The following EFHC1 variants were observed in gnomAD, a reference collection of about 807,000 sequenced individuals.
EFHC1 encodes the protein EF-hand domain containing 1.
Under a neutral mutation model 69.9 loss-of-function variants are expected in EFHC1, and 53 were observed. The observed-to-expected ratio is 0.76, with a 90% confidence interval of 0.61 to 0.95. EFHC1 has a LOEUF of 0.95. Among genes scored for constraint, EFHC1 ranks in the 40% least tolerant of loss-of-function variants. EFHC1 has a pLI of 0.00. For synonymous variants in EFHC1, 256 were observed against 278.4 expected (o/e 0.92, Z 0.80); for missense variants, 739 against 798.7 (o/e 0.93, Z 0.90).
Position 52,494,143 on chromosome 6 carries a change from G to T in EFHC1, c.*1802G>T, listed in dbSNP as rs116513025. The T allele has an allele frequency of 1.3e-5, 6 of 453,834 alleles. No homozygotes were observed. Among genetic ancestry groups the T allele is most frequent in the Non-Finnish European group, 2.2e-5 (5 of 226,780 alleles). 28.1% of individuals were successfully genotyped at this position (453,834 alleles called of 1,614,324 possible). ...TGGGGCTATGTCTCAATAAACTCACGTAAGTAAAAAATATCACAAGTTGAA... is the reference window on the plus strand; with the variant it reads ...TGGGGCTATGTCTCAATAAACTCACTTAAGTAAAAAATATCACAAGTTGAA... On this transcript the variant is annotated 3_prime_UTR_variant, in exon 11 of 11. Coordinates refer to ENST00000371068, the MANE Select transcript of EFHC1 (RefSeq NM_018100.4).
chr6:52,468,317 G>A (rs1333741936), intron 6 of EFHC1: 1 of 152,202 alleles, frequency 6.6e-6, no homozygotes, highest in Non-Finnish European at 1.5e-5. Flanking sequence ...AGTCAGATGA[G>A]TGTTCATCTA....
intron 2 of EFHC1, among the ~76,000 whole-genome samples, chr6:52,428,487 A>T (rs189709713): frequency 3.9e-5 from 6 of 152,332 alleles, no homozygotes; most frequent in African/African-American, 1.4e-4. Context: ...AATAGTCTCC[A>T]GTCTCATCCA....
At chr6:52,441,719 T>G (rs1314333207) in intron 3 of EFHC1, among the ~76,000 whole-genome samples, 1 of 152,196 alleles carries the variant, frequency 6.6e-6, no homozygotes, top group Non-Finnish European at 1.5e-5. Flanking sequence ...ATATTGATTT[T>G]TCGTATCCAT....
intron 2 of EFHC1, chr6:52,437,690 T>C (rs1306154024): frequency 1.3e-5 from 2 of 153,530 alleles, no homozygotes; most frequent in African/African-American, 4.8e-5. Context: ...TGTGTACATG[T>C]GGGAGTTAGG....
intron 9 of EFHC1, chr6:52,488,348 A>G (rs771611131): frequency 4.6e-5 from 7 of 152,220 alleles, no homozygotes; most frequent in Non-Finnish European, 1.0e-4. Context: ...TATTACAACA[A>G]TTTTTATTGT....
Position 52,438,450 on chromosome 6 carries a change from T to G in EFHC1, c.432T>G (p.Leu144=). The G allele has an allele frequency of 6.2e-7, 1 of 1,614,122 alleles. No homozygotes were observed. The highest frequency in any genetic ancestry group is 8.5e-7 in the Non-Finnish European group (1 of 1,180,002). The change falls in exon 3 of 11, where the codon CTT becomes CTG. Residue 144 remains leucine, a synonymous_variant. Coordinates refer to ENST00000371068, the MANE Select transcript of EFHC1 (RefSeq NM_018100.4). ...IEPVVENSGI[L]QGKLIKRQRL... is the part of the protein sequence containing the mutation. ...CTGTTGTAGAAAATTCTGGAATCCT[T>G]CAAGGCAAGTTAATAAAACGCCAGC...
chr6:52,478,071 A>T (rs1199245321), intron 7 of EFHC1, among the ~76,000 whole-genome samples: 1 of 152,210 alleles, frequency 6.6e-6, no homozygotes, highest in African/African-American at 2.4e-5. Flanking sequence ...TGTGGCACAT[A>T]TACACCATGG....
chr6:52,456,835 A>AGGCAGGAGAATTGCTTGG (rs756344966), intron 5 of EFHC1, among the ~76,000 whole-genome samples: 21 of 152,228 alleles, frequency 1.4e-4, no homozygotes, highest in Admixed American at 6.5e-4. Flanking sequence ...GAATTGCTTG[A>AGGCAGGAGAATTGCTTGG]AGCCAGGAGA....
chr6:52,426,624 G>A (rs1764306977), intron 2 of EFHC1, among the ~76,000 whole-genome samples: 1 of 152,126 alleles, frequency 6.6e-6, no homozygotes, highest in Non-Finnish European at 1.5e-5. Context: ...TCACCTGGAT[G>A]AACTGTTGGT....
chr6:52,475,195 A>G (rs908963875), intron 7 of EFHC1, among the ~76,000 whole-genome samples: 1 of 152,178 alleles, frequency 6.6e-6, no homozygotes, highest in African/African-American at 2.4e-5. Context: ...TAGAGAATGT[A>G]TTCATTAGAC....
At chr6:52,464,845 T>G (rs780041751) in intron 5 of EFHC1, 50 bp from the exon 6 acceptor site, 9 of 1,531,296 alleles carry the variant, frequency 5.9e-6, no homozygotes, top group Non-Finnish European at 2.7e-6. Flanking sequence ...CAAGTCTTTC[T>G]TGACACACTC....
chr6:52,420,514 C>G, intron 1 of EFHC1, 41 bp downstream of exon 1: 3 of 1,613,332 alleles, frequency 1.9e-6, no homozygotes, highest in Non-Finnish European at 2.5e-6. Context: ...TCCCCACCTT[C>G]CAGCAGCCCA....
Position 52,493,937 on chromosome 6 carries a change from C to T in EFHC1, c.*1596C>T, listed in dbSNP as rs1048372721. 4.4e-6 allele frequency: 2 copies of T among 453,940 alleles called. No homozygotes were observed. Among genetic ancestry groups the T allele is most frequent in the Non-Finnish European group, 8.8e-6 (2 of 226,802 alleles). The allele number at this position is 453,940 out of a possible 1,614,324, so 28.1% of individuals were successfully genotyped here. A position where few individuals can be genotyped will look rare whatever the true frequency, so the allele number is the denominator to read the frequency against. ...GGGAACTTCCCTTGGTGTTTCCTTCCCTAACGAGCTCAGCCACTTGTAACC... is the reference window on the plus strand; with the variant it reads ...GGGAACTTCCCTTGGTGTTTCCTTCTCTAACGAGCTCAGCCACTTGTAACC... On this transcript the variant is annotated 3_prime_UTR_variant, in exon 11 of 11. Transcript: ENST00000371068.
intron 5 of EFHC1, among the ~76,000 whole-genome samples, chr6:52,463,060 C>G (rs1374631898): frequency 1.3e-5 from 2 of 151,934 alleles, no homozygotes; most frequent in Non-Finnish European, 2.9e-5. Flanking sequence ...CGGAGTCTCT[C>G]TCTGTCGCCC....
chr6:52,468,229 C>A (rs1261423236), intron 6 of EFHC1, among the ~76,000 whole-genome samples: 1 of 152,124 alleles, frequency 6.6e-6, no homozygotes, highest in Non-Finnish European at 1.5e-5. Flanking sequence ...GTACTACTAG[C>A]TTGGTTGAAG....
At position 52,492,607 on chromosome 6, in the gene EFHC1, T is replaced by C. The variant is rs1765932707; in HGVS notation, c.*266T>C. On this transcript the variant is annotated 3_prime_UTR_variant, in exon 11 of 11. Coordinates refer to ENST00000371068, the MANE Select transcript of EFHC1 (RefSeq NM_018100.4). Reference sequence around the variant, plus strand: ...AGGGGGCCCAAATATTTCCTTTCTTTCTTTTTAAAAAAATAAATTTTTTTA... The same window carrying C: ...AGGGGGCCCAAATATTTCCTTTCTTCCTTTTTAAAAAAATAAATTTTTTTA... 1.7e-6 allele frequency: 1 copy of C among 576,442 alleles called. No homozygotes were observed. 35.7% of individuals were successfully genotyped at this position (576,442 alleles called of 1,614,324 possible). A position where few individuals can be genotyped will look rare whatever the true frequency, so the allele number is the denominator to read the frequency against.
In EFHC1 at chr6:52,462,066, A is replaced by G. The variant is rs575518249; in HGVS notation, c.917-2829A>G. Among the ~76,000 whole-genome samples the G allele has an allele frequency of 1.3e-4, 20 of 152,102 alleles. No individual in the cohort carries two copies. In the East Asian group the frequency reaches 3.7e-3, roughly 28 times the overall value. On this transcript the variant is annotated intron_variant, in intron 5 of 10. Transcript: ENST00000371068. ...AGACAAATCAATAAACAGGTATAAG[A>G]CTTGAATAATATTATTATTCATTTA...
intron 5 of EFHC1, among the ~76,000 whole-genome samples, chr6:52,454,790 G>A (rs1214893643): frequency 6.6e-6 from 1 of 152,060 alleles, no homozygotes; most frequent in African/African-American, 2.4e-5. Context: ...TTCTTTACTG[G>A]TTTAAAATTA....
chr6:52,450,521 T>G (rs471300), intron 3 of EFHC1, among the ~76,000 whole-genome samples: 95,610 of 151,892 alleles, frequency 0.63, 31,043 homozygotes, highest in East Asian at 0.86. Flanking sequence ...GCATAGTTAG[T>G]TTTTTTTGTT....
Sources: allele counts gnomAD v4.1 joint callset (sites outside exome capture counted in the v4.1 genomes callset), GRCh38; gene constraint gnomAD v4.1.1; transcripts MANE v1.5; gene names NCBI Gene and HGNC (gene_info 2026-07-23, HGNC 2026-07-21).